NLGN1: variants seen among roughly 807,000 people sequenced by gnomAD.
The protein encoded by NLGN1 is neuroligin-1.
A neutral mutation model predicts 65.5 loss-of-function variants in NLGN1; 12 were observed. That is an observed-to-expected ratio of 0.18 (90% CI 0.12 to 0.30). NLGN1 has a LOEUF of 0.30. NLGN1 is among the 10% of genes least tolerant of loss of function. The probability of loss-of-function intolerance (pLI) is 1.00; values close to 1 mark genes in which losing one functional copy is unlikely to be tolerated. For synonymous variants in NLGN1, 350 were observed against 359.5 expected, an observed-to-expected ratio of 0.97 and a Z score of 0.30; for missense variants, 750 against 1,007.1, an observed-to-expected ratio of 0.74 and a Z score of 3.46.
At chr3:173,585,012 T>G (rs1282719591) in intron 2 of NLGN1, 1 of 152,236 alleles carries the variant, frequency 6.6e-6, no homozygotes, top group South Asian at 2.1e-4. Context: ...GGGGGCTCCC[T>G]CTGTGGATTT....
intron 4 of NLGN1, among the ~76,000 whole-genome samples, chr3:174,122,994 GT>G (rs2152650806): frequency 6.6e-6 from 1 of 152,052 alleles, no homozygotes; most frequent in Admixed American, 6.6e-5. Flanking sequence ...GCAAGCATAT[GT>G]GCAAATATCA....
chr3:174,022,618 A>T (rs1727972568), intron 4 of NLGN1, among the ~76,000 whole-genome samples: 2 of 152,324 alleles, frequency 1.3e-5, no homozygotes, highest in South Asian at 2.1e-4. Flanking sequence ...AACATCACTA[A>T]TTGTGAGAGA....
At chr3:174,099,239 C>T (rs920940243) in intron 4 of NLGN1, among the ~76,000 whole-genome samples, 2 of 152,190 alleles carry the variant, frequency 1.3e-5, no homozygotes, top group Non-Finnish European at 2.9e-5. Flanking sequence ...GCTCGAATCT[C>T]ATAAATATGT....
At chr3:173,971,722 G>A (rs1716281156) in intron 4 of NLGN1, among the ~76,000 whole-genome samples, 1 of 152,042 alleles carries the variant, frequency 6.6e-6, no homozygotes, top group Non-Finnish European at 1.5e-5. Flanking sequence ...CAGTCACAAG[G>A]CATGAAGGAC....
chr3:173,678,298 A>T (rs998262939), intron 3 of NLGN1, among the ~76,000 whole-genome samples: 8 of 152,112 alleles, frequency 5.3e-5, no homozygotes, highest in Non-Finnish European at 8.8e-5. Context: ...CTTTTAAGAA[A>T]CATACAGACT....
At chr3:173,881,659 C>T (rs13070690) in intron 4 of NLGN1, among the ~76,000 whole-genome samples, 1 of 151,724 alleles carries the variant, frequency 6.6e-6, no homozygotes, top group Non-Finnish European at 1.5e-5. Flanking sequence ...ATCTCCTGAC[C>T]TCGTGATCCA....
intron 3 of NLGN1, among the ~76,000 whole-genome samples, chr3:173,740,491 A>G (rs1774476735): frequency 6.6e-6 from 1 of 152,096 alleles, no homozygotes; most frequent in South Asian, 2.1e-4. Context: ...AGACCTGCCA[A>G]TATAAAACCC....
At position 173,734,848 on chromosome 3, in the gene NLGN1, C is replaced by A. The variant is rs1021195916; in HGVS notation, c.494-72832C>A. ...ATTATTGCAATTGCTTTTTTCTGAA[C>A]TCTGACTCAAAGTGATCAGGACAAT... On this transcript the variant is annotated intron_variant, in intron 3 of 6. Transcript: ENST00000457714. 9.2e-5 allele frequency among the ~76,000 whole-genome samples: 14 copies of A among 152,042 alleles called. 1 individual carries two copies. Among genetic ancestry groups the A allele is most frequent in the African/African-American group, 3.4e-4 (14 of 41,388 alleles).
chr3:173,971,862 A>G (rs1315971115), intron 4 of NLGN1, among the ~76,000 whole-genome samples: 2 of 152,116 alleles, frequency 1.3e-5, no homozygotes, highest in Non-Finnish European at 2.9e-5. Flanking sequence ...GAGAACTGTT[A>G]TACAGTCATT....
chr3:173,642,612 C>T (rs1237952921), intron 3 of NLGN1, among the ~76,000 whole-genome samples: 1 of 152,096 alleles, frequency 6.6e-6, no homozygotes, highest in Admixed American at 6.5e-5. Context: ...AAGTTCTTGC[C>T]TTGGTGGAAA....
At chr3:173,780,883 T>C (rs1437922979) in intron 3 of NLGN1, among the ~76,000 whole-genome samples, 7 of 152,244 alleles carry the variant, frequency 4.6e-5, no homozygotes, top group African/African-American at 1.7e-4. Flanking sequence ...GGTTCATGCC[T>C]GTAATCCCAG....
At chr3:173,650,924 A>ATT (rs71856605) in intron 3 of NLGN1, among the ~76,000 whole-genome samples, 2 of 143,258 alleles carry the variant, frequency 1.4e-5, no homozygotes, top group Admixed American at 6.9e-5. Context: ...TTGCCTGTTT[A>ATT]TTTTTTTTTT....
Position 174,047,386 on chromosome 3 carries a change from A to T in NLGN1, c.647-227929A>T, listed in dbSNP as rs554901292. ...TAGCCAAGGTCCAATACACAATTCT[A>T]TATGTAATTGAGATGGTGACTGAGA... On this transcript the variant is annotated intron_variant, in intron 4 of 6. Transcript: ENST00000457714. Among the ~76,000 whole-genome samples, 31 of 152,180 alleles carry T rather than the reference A, an allele frequency of 2.0e-4. No homozygotes were observed. The South Asian group carries it at 4.8e-3, about 23-fold the overall frequency.
At chr3:173,625,830 TAAA>T (rs981318051) in intron 3 of NLGN1, among the ~76,000 whole-genome samples, 1 of 152,114 alleles carries the variant, frequency 6.6e-6, no homozygotes, top group African/African-American at 2.4e-5. Flanking sequence ...ACTTTTTATT[TAAA>T]ACCATATTTC....
chr3:174,126,190 C>G (rs977147499), intron 4 of NLGN1, among the ~76,000 whole-genome samples: 13 of 152,026 alleles, frequency 8.6e-5, no homozygotes, highest in Admixed American at 6.6e-4. Context: ...GTCACTGTTT[C>G]TTTGTTTGTT....
chr3:173,787,026 G>A (rs1349386054), intron 3 of NLGN1, among the ~76,000 whole-genome samples: 2 of 150,898 alleles, frequency 1.3e-5, no homozygotes, highest in East Asian at 2.0e-4. Context: ...GCAGTGAGCC[G>A]ACATCACGCC....
chr3:173,916,370 C>G (rs1270682300), intron 4 of NLGN1, among the ~76,000 whole-genome samples: 1 of 152,056 alleles, frequency 6.6e-6, no homozygotes, highest in Non-Finnish European at 1.5e-5. Context: ...TTCACTCATT[C>G]ATTTATTGAT....
intron 1 of NLGN1, among the ~76,000 whole-genome samples, chr3:173,415,354 G>T (rs1713456277): frequency 6.6e-6 from 1 of 152,152 alleles, no homozygotes; most frequent in Non-Finnish European, 1.5e-5. Context: ...CAACTGACAG[G>T]CATTATGTCT....
chr3:173,797,147 C>T (rs1236186118), intron 3 of NLGN1, among the ~76,000 whole-genome samples: 2 of 152,134 alleles, frequency 1.3e-5, no homozygotes, highest in Non-Finnish European at 2.9e-5. Flanking sequence ...GTTTACTCCA[C>T]TGAGGCTTCC....
Sources: gnomAD v4.1 joint callset for allele counts (sites outside exome capture counted in the v4.1 genomes callset) on GRCh38, gnomAD v4.1.1 for gene constraint, MANE v1.5 for transcripts, NCBI Gene and HGNC (gene_info 2026-07-23, HGNC 2026-07-21) for gene names.